Variants in TRABD2B observed in about 807,000 individuals in gnomAD.
TRABD2B encodes the protein TraB domain containing 2B, also known as metalloprotease TIKI2.
Under a neutral mutation model 40.1 loss-of-function variants are expected in TRABD2B, and 14 were observed. The ratio of observed to expected loss-of-function variants is 0.35; its 90% CI spans 0.23 to 0.55. TRABD2B has a LOEUF of 0.55. Ranked by LOEUF, TRABD2B falls within the 20% of genes least tolerant of loss-of-function variation. The pLI is 0.90. For synonymous variants in TRABD2B, 263 were observed against 277.0 expected, an observed-to-expected ratio of 0.95 and a Z score of 0.50; for missense variants, 541 against 648.6, an observed-to-expected ratio of 0.83 and a Z score of 1.80.
At chr1:47,792,823 C>T (rs1382598105) in intron 4 of TRABD2B, among the ~76,000 whole-genome samples, 1 of 152,030 alleles carries the variant, frequency 6.6e-6, no homozygotes, top group African/African-American at 2.4e-5. Flanking sequence ...TCACTGACTG[C>T]ACTCTCTGGG....
At chr1:47,895,866 C>T (rs917946204) in intron 2 of TRABD2B, among the ~76,000 whole-genome samples, 1 of 152,244 alleles carries the variant, frequency 6.6e-6, no homozygotes, top group Non-Finnish European at 1.5e-5. Context: ...CCAGGCCTGC[C>T]TCCTCGTACT....
intron 6 of TRABD2B, among the ~76,000 whole-genome samples, chr1:47,767,608 C>T (rs576294730): frequency 3.3e-5 from 5 of 152,348 alleles, no homozygotes; most frequent in African/African-American, 1.2e-4. Context: ...AGACACAAAA[C>T]AGGGCCAGGA....
chr1:47,862,971 G>A (rs958568842), intron 2 of TRABD2B, among the ~76,000 whole-genome samples: 22 of 152,248 alleles, frequency 1.4e-4, no homozygotes, highest in African/African-American at 4.8e-4. Flanking sequence ...CACTATGGCT[G>A]CCTTTTCAAC....
intron 2 of TRABD2B, among the ~76,000 whole-genome samples, chr1:47,925,181 C>T (rs145560279): frequency 2.0e-5 from 3 of 152,288 alleles, no homozygotes; most frequent in Middle Eastern, 6.8e-3. Flanking sequence ...CTTCTTGTTA[C>T]TCTCCCTCAA....
intron 2 of TRABD2B, among the ~76,000 whole-genome samples, chr1:47,991,730 C>A (rs1435804074): frequency 6.6e-6 from 1 of 152,122 alleles, no homozygotes; most frequent in East Asian, 1.9e-4. Flanking sequence ...CTCACTGTCT[C>A]CCCAACCCAA....
At chr1:47,906,064 T>C (rs1644672956) in intron 2 of TRABD2B, among the ~76,000 whole-genome samples, 1 of 152,172 alleles carries the variant, frequency 6.6e-6, no homozygotes. Context: ...TGGCACACCC[T>C]TGCTCAAGGT....
At chr1:47,932,581 G>T (rs1645053912) in intron 2 of TRABD2B, among the ~76,000 whole-genome samples, 2 of 152,170 alleles carry the variant, frequency 1.3e-5, no homozygotes, top group Admixed American at 1.3e-4. Context: ...TTGATGCAGG[G>T]AAGAGAAGGG....
At chr1:47,834,602 C>T (rs997685586) in intron 2 of TRABD2B, among the ~76,000 whole-genome samples, 1 of 152,064 alleles carries the variant, frequency 6.6e-6, no homozygotes, top group East Asian at 1.9e-4. Context: ...CACACACACA[C>T]AGAGCCCTTC....
intron 2 of TRABD2B, among the ~76,000 whole-genome samples, chr1:47,815,820 G>A (rs1645023520): frequency 1.3e-5 from 1 of 77,594 alleles, no homozygotes; most frequent in African/African-American, 3.7e-5. Context: ...TAGATAGATA[G>A]ATAGATAGAT....
At chr1:47,925,370 GA>G (rs1644956222) in intron 2 of TRABD2B, among the ~76,000 whole-genome samples, 1 of 152,108 alleles carries the variant, frequency 6.6e-6, no homozygotes. Context: ...TATGAAAGAA[GA>G]TTTTTTTTAT....
intron 2 of TRABD2B, among the ~76,000 whole-genome samples, chr1:47,868,414 G>A (rs1465598382): frequency 6.6e-6 from 1 of 152,160 alleles, no homozygotes; most frequent in Admixed American, 6.5e-5. Flanking sequence ...CTAAAGCGGG[G>A]TCCCCAATCC....
intron 2 of TRABD2B, among the ~76,000 whole-genome samples, chr1:47,860,680 T>C (rs1643953817): frequency 1.3e-5 from 2 of 152,226 alleles, no homozygotes; most frequent in South Asian, 4.1e-4. Flanking sequence ...AGTGTGGCAG[T>C]ATTGGGAGGT....
intron 2 of TRABD2B, chr1:47,820,109 T>G (rs1645086160): frequency 6.6e-6 from 1 of 152,266 alleles, no homozygotes; most frequent in South Asian, 2.1e-4. Context: ...TGTTTATTGT[T>G]TATCACATCA....
chr1:47,850,177 G>T (rs1645528754), intron 2 of TRABD2B, among the ~76,000 whole-genome samples: 1 of 152,250 alleles, frequency 6.6e-6, no homozygotes, highest in Non-Finnish European at 1.5e-5. Context: ...ACAAGTCCTA[G>T]AGGATGCTGT....
Position 47,813,419 on chromosome 1 carries a change from C to T in TRABD2B, c.667-11800G>A, listed in dbSNP as rs555864485. Among the ~76,000 whole-genome samples, 20 of 152,254 alleles carry T rather than the reference C, an allele frequency of 1.3e-4. No homozygotes were observed. The highest frequency in any genetic ancestry group is 4.3e-4 in the African/African-American group (18 of 41,542). Reference sequence around the variant, plus strand: ...TACTGATGAGAGAAATTGTAACATGCCTCTCTGTTTGTCTGCTAAGCCACC... The same window carrying T: ...TACTGATGAGAGAAATTGTAACATGTCTCTCTGTTTGTCTGCTAAGCCACC... On this transcript the variant is annotated intron_variant, in intron 2 of 6. Transcript: ENST00000606738. This position sits in a 1 kb window ranked among gnomAD's most constrained non-coding sequence, Gnocchi z 4.3.
intron 2 of TRABD2B, among the ~76,000 whole-genome samples, chr1:47,935,792 T>C (rs1645099078): frequency 6.6e-6 from 1 of 152,250 alleles, no homozygotes; most frequent in African/African-American, 2.4e-5. Context: ...CTGTATCTCT[T>C]ATATGATATT....
chr1:47,944,075 C>G (rs990935092), intron 2 of TRABD2B, among the ~76,000 whole-genome samples: 1 of 152,192 alleles, frequency 6.6e-6, no homozygotes, highest in Non-Finnish European at 1.5e-5. Context: ...CTTCCCAGAC[C>G]TGAGGCTTGG....
chr1:47,909,508 AGGAGAAGGG>A (rs1557650962), intron 2 of TRABD2B, among the ~76,000 whole-genome samples: 20 of 142,878 alleles, frequency 1.4e-4, no homozygotes, highest in South Asian at 4.7e-4. Context: ...AAGGAGGAGA[AGGAGAAGGG>A]GGAGGAGAAG....
intron 2 of TRABD2B, among the ~76,000 whole-genome samples, chr1:47,971,130 G>A (rs988216127): frequency 6.6e-6 from 1 of 152,162 alleles, no homozygotes; most frequent in Admixed American, 6.5e-5. Context: ...TGGAAGGCCT[G>A]GCTTGTATCA....
Sources: allele counts gnomAD v4.1 joint callset (sites outside exome capture counted in the v4.1 genomes callset), GRCh38; gene constraint gnomAD v4.1.1; non-coding constraint Gnocchi (gnomAD v3.1); transcripts MANE v1.5; gene names NCBI Gene and HGNC (gene_info 2026-07-23, HGNC 2026-07-21).